LMBR1: variants seen among roughly 807,000 people sequenced by gnomAD.
LMBR1 encodes limb development membrane protein 1.
In LMBR1, 52 loss-of-function variants were observed where a neutral mutation model predicts 73.9. The ratio of observed to expected loss-of-function variants is 0.70; its 90% confidence interval spans 0.56 to 0.89. The LOEUF is 0.89. Ranked by LOEUF, LMBR1 falls within the 40% of genes least tolerant of loss-of-function variation. The probability of loss-of-function intolerance (pLI) is 0.00; values close to 1 mark genes in which losing one functional copy is unlikely to be tolerated. For missense variants in LMBR1, 539 were observed against 579.8 expected, an observed-to-expected ratio of 0.93 and a Z score of 0.72; for synonymous variants, 215 against 209.4, an observed-to-expected ratio of 1.03 and a Z score of -0.23.
At chr7:156,835,089 G>A (rs1004758764) in intron 2 of LMBR1, among the ~76,000 whole-genome samples, 4 of 152,072 alleles carry the variant, frequency 2.6e-5, no homozygotes, top group Non-Finnish European at 5.9e-5. Flanking sequence ...GCAGTGAGCC[G>A]AGATCACGCC....
intron 5 of LMBR1, among the ~76,000 whole-genome samples, chr7:156,774,755 C>G (rs911424276): frequency 1.3e-5 from 2 of 152,170 alleles, no homozygotes; most frequent in East Asian, 3.9e-4. Context: ...TCACTTGAAC[C>G]TGGGAGGTGA....
chr7:156,863,279 G>C (rs1417170933), intron 1 of LMBR1, among the ~76,000 whole-genome samples: 2 of 151,580 alleles, frequency 1.3e-5, no homozygotes, highest in Non-Finnish European at 3.0e-5. Context: ...TCCGAGGGCA[G>C]GAAGCATCCA....
In LMBR1 at chr7:156,682,606, G is replaced by A. The variant is rs1325209432; in HGVS notation, c.*1472C>T. On this transcript the variant is annotated 3_prime_UTR_variant, in exon 17 of 17. Coordinates refer to ENST00000353442, the MANE Select transcript of LMBR1 (RefSeq NM_022458.4). Reference sequence around the variant, plus strand: ...GATGTGAAGCTCGGAAGGAAATGCAGACGTATAAATAAGGGGGAAGTGTAC... The same window carrying A: ...GATGTGAAGCTCGGAAGGAAATGCAAACGTATAAATAAGGGGGAAGTGTAC... 2.0e-5 allele frequency: 3 copies of A among 152,178 alleles called. No homozygotes were observed. Among genetic ancestry groups the A allele is most frequent in the Non-Finnish European group, 4.4e-5 (3 of 68,032 alleles). The allele number at this position is 152,178 out of a possible 1,614,324, so 9.4% of individuals were successfully genotyped here. A position where few individuals can be genotyped will look rare whatever the true frequency, so the allele number is the denominator to read the frequency against.
intron 1 of LMBR1, among the ~76,000 whole-genome samples, chr7:156,886,092 G>A (rs1801856110): frequency 6.6e-6 from 1 of 151,352 alleles, no homozygotes. Context: ...AAGATCTCTT[G>A]AGCCTGGGAG....
Position 156,683,887 on chromosome 7 carries a change from T to C in LMBR1, c.*191A>G, listed in dbSNP as rs1805464495. ...ACTTAACTGGAAACTACAGGGTCCA[T>C]CAGAAAGTTAAATTTAAAAAAGATC... On this transcript the variant is annotated 3_prime_UTR_variant, in exon 17 of 17. Coordinates refer to ENST00000353442, the MANE Select transcript of LMBR1 (RefSeq NM_022458.4). 1.7e-6 allele frequency: 1 copy of C among 577,568 alleles called. No homozygotes were observed. Among genetic ancestry groups the C allele is most frequent in the East Asian group, 2.8e-5 (1 of 35,378 alleles). 35.8% of individuals were successfully genotyped at this position (577,568 alleles called of 1,614,324 possible).
At chr7:156,868,954 G>A (rs1292230203) in intron 1 of LMBR1, among the ~76,000 whole-genome samples, 3 of 152,150 alleles carry the variant, frequency 2.0e-5, no homozygotes, top group Non-Finnish European at 4.4e-5. Context: ...AACAAAGTAA[G>A]ACCCTGTCTC....
rs116292915 is a variant in LMBR1, at chr7:156,681,920, C to T, written c.*2158G>A. ...CTCCGACCTAGCTCCAATGGAAGCA[C>T]CTGCATTTGGAGTCAGTCTCTCCAG... On this transcript the variant is annotated 3_prime_UTR_variant, in exon 17 of 17. Transcript: ENST00000353442. 2.0e-5 allele frequency: 3 copies of T among 152,386 alleles called. No homozygotes were observed. Among genetic ancestry groups the T allele is most frequent in the Admixed American group, 6.5e-5 (1 of 15,302 alleles). 9.4% of individuals were successfully genotyped at this position (152,386 alleles called of 1,614,324 possible).
intron 10 of LMBR1, among the ~76,000 whole-genome samples, chr7:156,729,564 G>A (rs576085288): frequency 4.0e-5 from 6 of 150,174 alleles, no homozygotes; most frequent in African/African-American, 1.5e-4. Flanking sequence ...ACGTCTGCCT[G>A]CCGGGTTCAA....
chr7:156,829,717 C>T (rs529120912), intron 3 of LMBR1, among the ~76,000 whole-genome samples: 5 of 152,252 alleles, frequency 3.3e-5, no homozygotes, highest in Admixed American at 2.0e-4. Context: ...CTGACTCTCC[C>T]GTTTCAGAAT....
intron 4 of LMBR1, among the ~76,000 whole-genome samples, chr7:156,800,725 C>T (rs1490787822): frequency 6.6e-6 from 1 of 152,114 alleles, no homozygotes; most frequent in Non-Finnish European, 1.5e-5. Flanking sequence ...GCAAAGTAAA[C>T]TGAAAACCTT....
chr7:156,678,429 G>C lies in LMBR1; in HGVS notation c.*5649C>G, dbSNP rs1165681875. On this transcript the variant is annotated 3_prime_UTR_variant, in exon 17 of 17. Transcript: ENST00000353442. ...AATGGCGCGCCCATCGAAAGCTTGC[G>C]AGACCAAGTTGCAACCACAGAACGC... 1 of 152,222 alleles carries C rather than the reference G, an allele frequency of 6.6e-6. No individual in the cohort carries two copies. Among genetic ancestry groups the C allele is most frequent in the Non-Finnish European group, 1.5e-5 (1 of 68,040 alleles). The allele number at this position is 152,222 out of a possible 1,614,324, so 9.4% of individuals were successfully genotyped here.
intron 5 of LMBR1, among the ~76,000 whole-genome samples, chr7:156,788,032 C>T (rs1828470646): frequency 6.6e-6 from 1 of 152,212 alleles, no homozygotes; most frequent in African/African-American, 2.4e-5. Flanking sequence ...CCTTGGCCTC[C>T]CAAAGTGCTG....
chr7:156,868,310 T>TAGCTTCC (rs1798766726), intron 1 of LMBR1, among the ~76,000 whole-genome samples: 1 of 151,772 alleles, frequency 6.6e-6, no homozygotes, highest in Admixed American at 6.6e-5. Context: ...TCTCCTGCCT[T>TAGCTTCC]AGCTTCCCAA....
intron 4 of LMBR1, chr7:156,822,771 G>A (rs1355298685): frequency 6.6e-6 from 1 of 152,022 alleles, no homozygotes; most frequent in African/African-American, 2.4e-5. Context: ...AATTCAATAT[G>A]AAAAAAGCAA....
intron 5 of LMBR1, among the ~76,000 whole-genome samples, chr7:156,774,249 C>A (rs1487507338): frequency 6.6e-6 from 1 of 152,124 alleles, no homozygotes; most frequent in Non-Finnish European, 1.5e-5. Flanking sequence ...AAAGGGAATC[C>A]TCATGTACTG....
At chr7:156,712,369 T>C (rs1296923788) in intron 15 of LMBR1, among the ~76,000 whole-genome samples, 2 of 152,252 alleles carry the variant, frequency 1.3e-5, no homozygotes, top group East Asian at 3.9e-4. Context: ...CAACAAATGT[T>C]GGAGAGGATG....
chr7:156,744,703 A>G (rs1819534987), intron 9 of LMBR1, among the ~76,000 whole-genome samples: 1 of 152,174 alleles, frequency 6.6e-6, no homozygotes, highest in Non-Finnish European at 1.5e-5. Context: ...TTAGTATGCT[A>G]TTGCTGCTGC....
rs140584360 is a variant in LMBR1 at position 156,763,255 on chromosome 7, T to C, written c.551-79A>G. The C allele has an allele frequency of 3.2e-4, 196 of 620,166 alleles. No homozygotes were observed. The African/African-American group carries it at 3.7e-3, about 12-fold the overall frequency. 38.4% of individuals were successfully genotyped at this position (620,166 alleles called of 1,614,324 possible). A position where few individuals can be genotyped will look rare whatever the true frequency, so the allele number is the denominator to read the frequency against. On this transcript the variant is annotated intron_variant, in intron 6 of 16. Coordinates refer to ENST00000353442, the MANE Select transcript of LMBR1 (RefSeq NM_022458.4). ...ATAGTCAGTCTATCTTACGATAAGATAGAGGCTGACTGTACCTCATGTAAA... is the reference window on the plus strand; with the variant it reads ...ATAGTCAGTCTATCTTACGATAAGACAGAGGCTGACTGTACCTCATGTAAA...
chr7:156,762,671 A>T (rs920862750), intron 7 of LMBR1, among the ~76,000 whole-genome samples: 4 of 152,190 alleles, frequency 2.6e-5, no homozygotes, highest in South Asian at 4.1e-4. Flanking sequence ...ACAAACTTTT[A>T]AAAAACCACA....
Sources: allele counts gnomAD v4.1 joint callset (sites outside exome capture counted in the v4.1 genomes callset), GRCh38; gene constraint gnomAD v4.1.1; transcripts MANE v1.5; gene names NCBI Gene and HGNC (gene_info 2026-07-23, HGNC 2026-07-21).